HMGB1: variants seen among roughly 807,000 people sequenced by gnomAD.
HMGB1 encodes the protein high mobility group protein B1.
For synonymous variants in HMGB1, 81 were observed against 84.0 expected, an observed-to-expected ratio of 0.96 and a Z score of 0.19; for missense variants, 79 against 253.5, an observed-to-expected ratio of 0.31 and a Z score of 4.67.
intron 1 of HMGB1, among the ~76,000 whole-genome samples, chr13:30,518,455 G>A (rs1042134191): frequency 1.3e-5 from 2 of 152,262 alleles, no homozygotes; most frequent in Non-Finnish European, 1.5e-5. Flanking sequence ...GCAGAACATC[G>A]AGGGCATGAT....
At chr13:30,554,057 A>G in intron 1 of HMGB1, 1 of 1,386,950 alleles carries the variant, frequency 7.2e-7, no homozygotes. Flanking sequence ...ACTGGCCAAC[A>G]GATGACCAAA....
intron 1 of HMGB1, among the ~76,000 whole-genome samples, chr13:30,577,442 G>A (rs1870707490): frequency 6.6e-6 from 1 of 151,718 alleles, no homozygotes; most frequent in Non-Finnish European, 1.5e-5. Flanking sequence ...CCAGAGCTGT[G>A]AGAAAATTTC....
upstream of HMGB1, among the ~76,000 whole-genome samples, chr13:30,467,090 T>C (rs1473120101): frequency 6.6e-6 from 1 of 152,258 alleles, no homozygotes; most frequent in Non-Finnish European, 1.5e-5. Flanking sequence ...CTTACGTCTG[T>C]AGAGAAAATG....
intron 1 of HMGB1, among the ~76,000 whole-genome samples, chr13:30,538,541 CTTT>C (rs1386914395): frequency 8.6e-5 from 9 of 104,846 alleles, no homozygotes; most frequent in African/African-American, 4.7e-4. Context: ...TCTTTCCTTT[CTTT>C]CTTTCTTTCT....
chr13:30,611,906 G>C (rs1950516399), intron 1 of HMGB1, among the ~76,000 whole-genome samples: 1 of 146,764 alleles, frequency 6.8e-6, no homozygotes, highest in Non-Finnish European at 1.5e-5. Flanking sequence ...AATAAGAAAA[G>C]AGTATCAATT....
At chr13:30,533,728 T>C (rs996648027) in intron 1 of HMGB1, among the ~76,000 whole-genome samples, 2 of 152,126 alleles carry the variant, frequency 1.3e-5, no homozygotes, top group African/African-American at 4.8e-5. Context: ...GGTATACACA[T>C]GTATAAAACT....
At chr13:30,594,341 G>A (rs1020210428) in intron 1 of HMGB1, among the ~76,000 whole-genome samples, 4 of 152,268 alleles carry the variant, frequency 2.6e-5, no homozygotes, top group African/African-American at 7.2e-5. Context: ...ACAGTACCCA[G>A]CACGCAGTTT....
rs80028974 is a variant in HMGB1, at chr13:30,485,541, C to T, written c.-14-21847G>A. Among the ~76,000 whole-genome samples, 9 of 151,924 alleles carry T rather than the reference C, an allele frequency of 5.9e-5. No individual in the cohort carries two copies. In the East Asian group the frequency reaches 1.2e-3, roughly 20 times the overall value. On this transcript the variant is annotated intron_variant, in intron 1 of 4. Coordinates refer to the HMGB1 transcript ENST00000405805. ...TGAGTACCTATGACTTTTTTTAGAGCGAGGGTCTCTCTAGAGATGGGCAAC... is the reference window on the plus strand; with the variant it reads ...TGAGTACCTATGACTTTTTTTAGAGTGAGGGTCTCTCTAGAGATGGGCAAC...
chr13:30,586,267 C>CTTATT (rs1158160334), intron 1 of HMGB1, among the ~76,000 whole-genome samples: 1 of 152,088 alleles, frequency 6.6e-6, no homozygotes, highest in African/African-American at 2.4e-5. Context: ...TTGAAACACT[C>CTTATT]TCAACTTTTA....
intron 1 of HMGB1, among the ~76,000 whole-genome samples, chr13:30,595,927 C>T (rs7985011): frequency 0.52 from 79,806 of 152,046 alleles, 23,526 homozygotes; most frequent in African/African-American, 0.8. Flanking sequence ...ATTCTACTGG[C>T]TGTACAAGTT....
rs566038933 is a variant in HMGB1 at position 30,537,851 on chromosome 13, C to G, written c.-14-74157G>C. Among the ~76,000 whole-genome samples, 6 of 151,930 alleles carry G rather than the reference C, an allele frequency of 3.9e-5. No individual in the cohort carries two copies. In the South Asian group the frequency reaches 1.2e-3, roughly 32 times the overall value. ...GCATAAGACATTTTTCATTTTCAAT[C>G]TGAATTCTTCCTTCAGTTTGGTGAA... On this transcript the variant is annotated intron_variant, in intron 1 of 4. Transcript: ENST00000405805.
intron 1 of HMGB1, among the ~76,000 whole-genome samples, chr13:30,608,213 C>T (rs2137571675): frequency 6.6e-6 from 1 of 152,266 alleles, no homozygotes. Flanking sequence ...AAACCACTCC[C>T]AGATTCCTGA....
intron 1 of HMGB1, among the ~76,000 whole-genome samples, chr13:30,582,636 T>TA (rs34280376): frequency 0.033 from 4,488 of 136,168 alleles, 232 homozygotes; most frequent in African/African-American, 0.11. Flanking sequence ...AGACTCCATC[T>TA]AAAAAAAAAA....
intron 1 of HMGB1, among the ~76,000 whole-genome samples, chr13:30,506,411 T>C (rs1334112546): frequency 3.3e-5 from 5 of 152,184 alleles, no homozygotes; most frequent in Admixed American, 2.0e-4. Flanking sequence ...GCACGGAGGC[T>C]ACCCTCTTAA....
intron 1 of HMGB1, among the ~76,000 whole-genome samples, chr13:30,572,544 ACT>A (rs1870479310): frequency 6.6e-6 from 1 of 152,204 alleles, no homozygotes; most frequent in African/African-American, 2.4e-5. Flanking sequence ...ATTTCCTTTA[ACT>A]CTCACATCTG....
At chr13:30,461,915 A>C (rs1156907911) in intron 4 of HMGB1, among the ~76,000 whole-genome samples, 1 of 152,166 alleles carries the variant, frequency 6.6e-6, no homozygotes, top group Non-Finnish European at 1.5e-5. Context: ...CTTAATCCTT[A>C]GTAGGAAATG....
At chr13:30,616,543 G>C (rs1950565217) in intron 1 of HMGB1, 1 of 152,116 alleles carries the variant, frequency 6.6e-6, no homozygotes. Context: ...GTCTATTTCA[G>C]GAGGAAGTAC....
intron 1 of HMGB1, among the ~76,000 whole-genome samples, chr13:30,510,185 A>C (rs1887962197): frequency 6.6e-6 from 1 of 152,224 alleles, no homozygotes; most frequent in African/African-American, 2.4e-5. Context: ...GTACCAGTGG[A>C]TAGACAGGAC....
chr13:30,595,940 T>A (rs578078445), intron 1 of HMGB1, among the ~76,000 whole-genome samples: 44 of 152,168 alleles, frequency 2.9e-4, no homozygotes, highest in Non-Finnish European at 6.2e-4. Context: ...TACAAGTTAA[T>A]CCTATTTAGT....
Sources: gnomAD v4.1 joint callset for allele counts (sites outside exome capture counted in the v4.1 genomes callset) on GRCh38, gnomAD v4.1.1 for gene constraint, MANE v1.5 for transcripts, NCBI Gene and HGNC (gene_info 2026-07-23, HGNC 2026-07-21) for gene names.